The following GSE1 variants were observed in gnomAD, a reference collection of about 807,000 sequenced individuals.
GSE1 encodes the protein Gse1 coiled-coil protein.
A neutral mutation model predicts 112.6 loss-of-function variants in GSE1; 32 were observed. The observed-to-expected ratio is 0.28, with a 90% CI of 0.21 to 0.38. GSE1 has a LOEUF of 0.38. GSE1 is among the 10% of genes least tolerant of loss of function. The pLI, the probability that GSE1 is intolerant of heterozygous loss-of-function variation, is 1.00. For synonymous variants in GSE1, 1,115 were observed against 735.6 expected, an observed-to-expected ratio of 1.52 and a Z score of -8.35; for missense variants, 2,348 against 1,699.2, an observed-to-expected ratio of 1.38 and a Z score of -6.71.
intron 1 of GSE1, among the ~76,000 whole-genome samples, chr16:85,257,437 C>T (rs1465299800): frequency 6.6e-6 from 1 of 152,178 alleles, no homozygotes; most frequent in Non-Finnish European, 1.5e-5. Flanking sequence ...ACCATATTTC[C>T]CCAGGAGCTC....
At chr16:85,553,381 G>A (rs548200835), upstream of GSE1, among the ~76,000 whole-genome samples, 1 of 151,488 alleles carries the variant, frequency 6.6e-6, no homozygotes, top group Non-Finnish European at 1.5e-5. Context: ...GGCCGCCGGC[G>A]CCGAGGGCCT....
Position 85,654,475 on chromosome 16 carries a change from G to A in GSE1, c.599+25G>A, listed in dbSNP as rs764599218. On this transcript the variant is annotated intron_variant, in intron 4 of 15. Coordinates refer to ENST00000253458, the MANE Select transcript of GSE1 (RefSeq NM_014615.5). ...AGTAAGTTGGTCGGCGGGGACTTCG[G>A]TGAGGTGGCCAGGTGGGGACACAGT... 20 of 1,548,548 alleles carry A rather than the reference G, an allele frequency of 1.3e-5. No individual in the cohort carries two copies. The East Asian group carries it at 3.2e-4, about 24-fold the overall frequency.
At chr16:85,279,693 G>A (rs778309676) in intron 1 of GSE1, among the ~76,000 whole-genome samples, 1 of 152,134 alleles carries the variant, frequency 6.6e-6, no homozygotes, top group Non-Finnish European at 1.5e-5. Context: ...GGTGCTGCCC[G>A]GCCTGCTCCA....
chr16:85,443,759 C>T lies in GSE1; in HGVS notation c.2464+86116C>T, dbSNP rs1011230984. Reference sequence around the variant, plus strand: ...TAGCGTTTGGCTGACAGAGGGACCTCGGAGCCGGATAGCCCAGCGGGGAAA... The same window carrying T: ...TAGCGTTTGGCTGACAGAGGGACCTTGGAGCCGGATAGCCCAGCGGGGAAA... On this transcript the variant is annotated intron_variant, in intron 2 of 2. Coordinates refer to the GSE1 transcript ENST00000637419. 3.3e-5 allele frequency among the ~76,000 whole-genome samples: 5 copies of T among 152,270 alleles called. No homozygotes were observed. In the East Asian group the frequency reaches 9.7e-4, roughly 29 times the overall value.
At position 85,376,555 on chromosome 16, in the gene GSE1, G is replaced by A. The variant is rs557691870; in HGVS notation, c.2464+18912G>A. Among the ~76,000 whole-genome samples the A allele has an allele frequency of 7.2e-5, 11 of 152,278 alleles. No homozygotes were observed. The East Asian group carries it at 1.4e-3, about 19-fold the overall frequency. Reference sequence around the variant, plus strand: ...GCTCTGCCCTCCCTGCCTGCCTGCCGGGCGTGTGGTCCTGGCTGGAGACAC... The same window carrying A: ...GCTCTGCCCTCCCTGCCTGCCTGCCAGGCGTGTGGTCCTGGCTGGAGACAC... On this transcript the variant is annotated intron_variant, in intron 2 of 2. Transcript: ENST00000637419.
chr16:85,244,663 A>C (rs1402044721), intron 1 of GSE1, among the ~76,000 whole-genome samples: 1 of 150,466 alleles, frequency 6.6e-6, no homozygotes, highest in Non-Finnish European at 1.5e-5. Flanking sequence ...CAGCCTGGGC[A>C]ACATAGTGAG....
intron 2 of GSE1, among the ~76,000 whole-genome samples, chr16:85,482,085 C>T (rs190744009): frequency 9.2e-5 from 14 of 152,342 alleles, no homozygotes; most frequent in East Asian, 5.8e-4. Context: ...CTGTTGTGGA[C>T]GACCCAACTT....
Position 85,675,976 on chromosome 16 carries a change from C to G in GSE1, c.*3437C>G, listed in dbSNP as rs886104440. 72 of 152,642 alleles carry G rather than the reference C, an allele frequency of 4.7e-4. No homozygotes were observed. Among genetic ancestry groups the G allele is most frequent in the Admixed American group, 4.1e-3 (63 of 15,280 alleles). The allele number at this position is 152,642 out of a possible 1,614,324, so 9.5% of individuals were successfully genotyped here. On this transcript the variant is annotated 3_prime_UTR_variant, in exon 16 of 16. Coordinates refer to ENST00000253458, the MANE Select transcript of GSE1 (RefSeq NM_014615.5). ...GGTGTTATTTTGTATGTACCCTGTG[C>G]TTAATTCTATAACAGTAAACCCCAT...
chr16:85,653,102 C>G (rs1278403854), intron 3 of GSE1, among the ~76,000 whole-genome samples: 1 of 148,354 alleles, frequency 6.7e-6, no homozygotes, highest in Non-Finnish European at 1.5e-5. Context: ...AGAACGGCTG[C>G]CCCAGTGACA....
chr16:85,186,574 G>A (rs2074705965), intron 1 of GSE1, among the ~76,000 whole-genome samples: 1 of 150,804 alleles, frequency 6.6e-6, no homozygotes, highest in Non-Finnish European at 1.5e-5. Flanking sequence ...CTGTACTCCA[G>A]CCTGGGCGAC....
intron 1 of GSE1, among the ~76,000 whole-genome samples, chr16:85,312,614 T>C (rs1187101390): frequency 1.3e-5 from 2 of 152,026 alleles, no homozygotes; most frequent in African/African-American, 4.8e-5. Flanking sequence ...AGACCCCCTT[T>C]CCAGACTGCC....
At chr16:85,309,590 C>T (rs1243075256) in intron 1 of GSE1, among the ~76,000 whole-genome samples, 1 of 152,252 alleles carries the variant, frequency 6.6e-6, no homozygotes, top group Non-Finnish European at 1.5e-5. Context: ...AAATAGCGTC[C>T]TCGAGGCACG....
chr16:85,212,127 C>T (rs1441560772), intron 1 of GSE1, among the ~76,000 whole-genome samples: 1 of 152,210 alleles, frequency 6.6e-6, no homozygotes, highest in Admixed American at 6.5e-5. Flanking sequence ...GGCTAGAAGC[C>T]GGGCGCGGTG....
chr16:85,577,521 C>T (rs1464836166), intron 1 of GSE1, among the ~76,000 whole-genome samples: 1 of 152,208 alleles, frequency 6.6e-6, no homozygotes, highest in Non-Finnish European at 1.5e-5. Context: ...CTACTCTATG[C>T]AGTACCTGCA....
intron 4 of GSE1, 24 bp from the exon 5 acceptor site, chr16:85,654,770 C>T (rs1316563747): frequency 6.5e-7 from 1 of 1,549,786 alleles, no homozygotes; most frequent in Non-Finnish European, 8.9e-7. Flanking sequence ...CTGTCCCCAC[C>T]TTGCCCACTA....
chr16:85,267,079 A>T (rs922165099), intron 1 of GSE1, among the ~76,000 whole-genome samples: 1 of 152,130 alleles, frequency 6.6e-6, no homozygotes, highest in African/African-American at 2.4e-5. Flanking sequence ...CCGCTCAGCT[A>T]ATTATGTGGA....
At chr16:85,247,620 G>A (rs376091987) in intron 1 of GSE1, among the ~76,000 whole-genome samples, 64 of 152,362 alleles carry the variant, frequency 4.2e-4, no homozygotes, top group African/African-American at 1.3e-3. Flanking sequence ...CTGGGTGCAA[G>A]GACCTGCCTG....
In GSE1 at chr16:85,672,716, G is replaced by A; in HGVS notation, c.*177G>A. ...TGAATGAACTCACCTTGACGTCAAT[G>A]CAATTGAATCACCGTTGTCATTCAG... On this transcript the variant is annotated 3_prime_UTR_variant, in exon 16 of 16. Coordinates refer to ENST00000253458, the MANE Select transcript of GSE1 (RefSeq NM_014615.5). The A allele has an allele frequency of 2.3e-6, 1 of 433,928 alleles. No individual in the cohort carries two copies. Among genetic ancestry groups the A allele is most frequent in the Non-Finnish European group, 4.0e-6 (1 of 247,116 alleles). The allele number at this position is 433,928 out of a possible 1,614,324, so 26.9% of individuals were successfully genotyped here.
chr16:85,347,110 G>T lies in GSE1; in HGVS notation c.2284-10353G>T, dbSNP rs564698313. ...AGGCCGCTGCTCGGTGGTGTTGAGA[G>T]CTGTGGCTGGCAGGGCTGTACACCC... On this transcript the variant is annotated intron_variant, in intron 1 of 2. Transcript: ENST00000637419. Among the ~76,000 whole-genome samples the T allele has an allele frequency of 3.3e-5, 5 of 152,262 alleles. No homozygotes were observed. The South Asian group carries it at 8.3e-4, about 25-fold the overall frequency.
Sources: allele counts gnomAD v4.1 joint callset (sites outside exome capture counted in the v4.1 genomes callset), GRCh38; gene constraint gnomAD v4.1.1; transcripts MANE v1.5; gene names NCBI Gene and HGNC (gene_info 2026-07-23, HGNC 2026-07-21).